The following GPHN variants were observed in gnomAD, a reference collection of about 807,000 sequenced individuals.
GPHN encodes the protein gephyrin.
In GPHN, 17 loss-of-function variants were observed where a neutral mutation model predicts 95.5. The ratio of observed to expected loss-of-function variants is 0.18; its 90% CI spans 0.12 to 0.27. The LOEUF (loss-of-function observed/expected upper bound fraction) is 0.27, where lower values mean the gene tolerates loss of function less well. GPHN is among the 10% of genes least tolerant of loss of function. The probability of loss-of-function intolerance (pLI) is 1.00; values close to 1 mark genes in which losing one functional copy is unlikely to be tolerated. For missense variants in GPHN, 660 were observed against 978.1 expected, an observed-to-expected ratio of 0.67 and a Z score of 4.34; for synonymous variants, 320 against 322.5, an observed-to-expected ratio of 0.99 and a Z score of 0.08.
At chr14:67,684,780 A>T in the GPHN span, 4 of 349,326 alleles carry the variant, frequency 1.1e-5, no homozygotes, top group Non-Finnish European at 2.0e-5. Flanking sequence ...CATAACAAAG[A>T]CAGGAAGAAA....
In GPHN at chr14:66,830,710, G is replaced by A. The variant is rs148120033; in HGVS notation, c.294+6144G>A. 6.2e-3 allele frequency among the ~76,000 whole-genome samples: 940 copies of A among 152,150 alleles called. 10 individuals are homozygous for A. The highest frequency in any genetic ancestry group is 7.7e-3 in the Non-Finnish European group (520 of 67,956). ...GAAAATACTACAAAATGGTACCAAA[G>A]AAACCTGACTTAGGAAAAGACTCTG... is the stretch of plus-strand genomic sequence containing the variant. On this transcript the variant is annotated intron_variant, in intron 4 of 22. Transcript: ENST00000478722.
chr14:67,545,549 T>C, the GPHN span, among the ~76,000 whole-genome samples: 1 of 151,554 alleles, frequency 6.6e-6, no homozygotes, highest in Non-Finnish European at 1.5e-5. Flanking sequence ...AAAAAAGGAG[T>C]AAACAGAAAG....
At chr14:67,729,005 T>C in the GPHN span, among the ~76,000 whole-genome samples, 2 of 152,336 alleles carry the variant, frequency 1.3e-5, no homozygotes, top group East Asian at 3.9e-4. Context: ...GAGAAGGCTA[T>C]AGATCTTTCT....
the GPHN span, chr14:67,473,205 AT>A: frequency 1.6e-6 from 1 of 624,578 alleles, no homozygotes; most frequent in East Asian, 2.9e-5. This position sits in a 1 kb window ranked among gnomAD's most constrained non-coding sequence, Gnocchi z 6.5. Context: ...ACCCTTCCCA[AT>A]GTCCCTCTGC....
intron 1 of GPHN, among the ~76,000 whole-genome samples, chr14:66,633,225 T>C (rs1297876806): frequency 6.6e-6 from 1 of 151,832 alleles, no homozygotes; most frequent in African/African-American, 2.4e-5. Context: ...CTTCTTATCT[T>C]CTTTGAATTC....
At chr14:67,716,579 G>A in the GPHN span, among the ~76,000 whole-genome samples, 20,122 of 152,148 alleles carry the variant, frequency 0.13, 1,368 homozygotes, top group East Asian at 0.21. Context: ...TCAAACATTT[G>A]TAATAGTTTA....
chr14:67,279,031 A>G, the GPHN span: 2 of 743,554 alleles, frequency 2.7e-6, no homozygotes, highest in Non-Finnish European at 3.9e-6. Flanking sequence ...TCCTTCATGG[A>G]TACTTTTTCA....
the GPHN span, chr14:67,714,478 T>G: frequency 1.3e-5 from 2 of 152,372 alleles, no homozygotes; most frequent in Non-Finnish European, 2.9e-5. Context: ...TAGTTTTATA[T>G]TCTTTTTATT....
chr14:66,697,859 T>A (rs934766746), intron 2 of GPHN, among the ~76,000 whole-genome samples: 1 of 151,974 alleles, frequency 6.6e-6, no homozygotes, highest in African/African-American at 2.4e-5. Flanking sequence ...GGCTACTTTT[T>A]ACAATTATTA....
intron 4 of GPHN, among the ~76,000 whole-genome samples, chr14:66,846,777 G>T (rs990694832): frequency 6.6e-6 from 1 of 152,094 alleles, no homozygotes; most frequent in African/African-American, 2.4e-5. Flanking sequence ...TCATAGTAAA[G>T]AGTAGAAAAT....
the GPHN span, among the ~76,000 whole-genome samples, chr14:67,433,526 C>T: frequency 6.6e-6 from 1 of 151,712 alleles, no homozygotes; most frequent in African/African-American, 2.4e-5. Context: ...ATAGTTAAAA[C>T]TAAAATGGAA....
chr14:66,809,247 G>C (rs1049959402), intron 3 of GPHN, among the ~76,000 whole-genome samples: 8 of 152,218 alleles, frequency 5.3e-5, no homozygotes, highest in African/African-American at 1.9e-4. Flanking sequence ...TTATGCCTGT[G>C]GCAACAGGAA....
intron 1 of GPHN, among the ~76,000 whole-genome samples, chr14:66,585,066 G>T (rs375550748): frequency 6.6e-6 from 1 of 152,022 alleles, no homozygotes; most frequent in African/African-American, 2.4e-5. Flanking sequence ...CAGTTTCAGA[G>T]CCTGTTATTG....
At chr14:66,617,330 A>G (rs2063088668) in intron 1 of GPHN, among the ~76,000 whole-genome samples, 1 of 152,202 alleles carries the variant, frequency 6.6e-6, no homozygotes, top group South Asian at 2.1e-4. Flanking sequence ...TTGGGACGCT[A>G]GGGCCCAGTG....
chr14:66,868,463 G>A (rs1253190828), intron 4 of GPHN, among the ~76,000 whole-genome samples: 4 of 151,870 alleles, frequency 2.6e-5, no homozygotes, highest in Admixed American at 6.6e-5. Flanking sequence ...GCACGATTTC[G>A]GCTCACTGCA....
intron 18 of GPHN, among the ~76,000 whole-genome samples, chr14:67,154,108 A>T (rs537360617): frequency 6.6e-6 from 1 of 152,172 alleles, no homozygotes; most frequent in South Asian, 2.1e-4. Flanking sequence ...GCTTCTGCCT[A>T]TCTCTTCAAA....
chr14:66,941,711 T>C (rs979881205), intron 8 of GPHN, among the ~76,000 whole-genome samples: 3 of 151,424 alleles, frequency 2.0e-5, no homozygotes, highest in African/African-American at 7.3e-5. Context: ...GTTTCTCCAA[T>C]TGCATCCTGT....
At chr14:67,678,178 T>C in the GPHN span, 5 of 605,192 alleles carry the variant, frequency 8.3e-6, no homozygotes, top group African/African-American at 3.7e-5. Context: ...CACTGAGTTT[T>C]AACTGGACAC....
At chr14:67,459,203 T>A in the GPHN span, among the ~76,000 whole-genome samples, 3 of 152,154 alleles carry the variant, frequency 2.0e-5, no homozygotes, top group Admixed American at 6.5e-5. Flanking sequence ...GCTAATTTTT[T>A]AAATTTTTTT....
Sources: gnomAD v4.1 joint callset for allele counts (sites outside exome capture counted in the v4.1 genomes callset) on GRCh38, gnomAD v4.1.1 for gene constraint, Gnocchi (gnomAD v3.1) non-coding constraint, MANE v1.5 for transcripts, NCBI Gene and HGNC (gene_info 2026-07-23, HGNC 2026-07-21) for gene names.